The following LAYN variants were observed in gnomAD, a reference collection of about 807,000 sequenced individuals.
The protein encoded by LAYN is layilin.
A neutral mutation model predicts 43.6 loss-of-function variants in LAYN; 38 were observed. The observed-to-expected ratio is 0.87, with a 90% confidence interval of 0.67 to 1.14. The LOEUF (loss-of-function observed/expected upper bound fraction) is 1.14. LAYN is among the 50% of genes most tolerant of loss of function. The pLI is 0.00. For missense variants in LAYN, 479 were observed against 463.8 expected, an observed-to-expected ratio of 1.03 and a Z score of -0.30; for synonymous variants, 168 against 172.9, an observed-to-expected ratio of 0.97 and a Z score of 0.22.
chr11:111,553,533 C>T (rs990026678), intron 3 of LAYN, among the ~76,000 whole-genome samples: 6 of 150,768 alleles, frequency 4.0e-5, no homozygotes, highest in Non-Finnish European at 7.4e-5. Context: ...GCAGGAGAAT[C>T]GCTTGAACCC....
At chr11:111,550,846 G>T (rs1041638015) in intron 3 of LAYN, among the ~76,000 whole-genome samples, 2 of 152,042 alleles carry the variant, frequency 1.3e-5, no homozygotes, top group African/African-American at 4.8e-5. Context: ...TTAAATTTTT[G>T]CACTTCCTTT....
At chr11:111,546,171 T>C (rs1867645570) in intron 2 of LAYN, among the ~76,000 whole-genome samples, 1 of 152,196 alleles carries the variant, frequency 6.6e-6, no homozygotes, top group Non-Finnish European at 1.5e-5. Flanking sequence ...TCTAAGTAGA[T>C]GTTTCCTGGT....
Position 111,540,816 on chromosome 11 carries a change from G to A in LAYN, c.-28G>A. 1 of 1,515,240 alleles carries A rather than the reference G, an allele frequency of 6.6e-7. No homozygotes were observed. The highest frequency in any genetic ancestry group is 8.8e-7 in the Non-Finnish European group (1 of 1,138,476). 93.9% of individuals were successfully genotyped at this position (1,515,240 alleles called of 1,614,324 possible). A position where few individuals can be genotyped will look rare whatever the true frequency, so the allele number is the denominator to read the frequency against. On this transcript the variant is annotated 5_prime_UTR_variant, in exon 1 of 7. It adds an upstream start codon to the 5' untranslated region. Coordinates refer to ENST00000375614, the MANE Select transcript of LAYN (RefSeq NM_178834.5). ...CCCGCTCCACCGCCGTAGCGCCCGA[G>A]TGTCGGGGGGCGCACCCGAGTCGGG... is the stretch of plus-strand genomic sequence containing the variant.
intron 3 of LAYN, among the ~76,000 whole-genome samples, chr11:111,550,348 G>C (rs1246605481): frequency 6.6e-6 from 1 of 152,222 alleles, no homozygotes; most frequent in East Asian, 1.9e-4. Flanking sequence ...AGATCTGTTA[G>C]GGTTTTGAAC....
At chr11:111,560,067 A>G (rs1182826508) in intron 6 of LAYN, 28 bp from the exon 7 acceptor site, 1 of 1,576,960 alleles carries the variant, frequency 6.3e-7, no homozygotes, top group East Asian at 2.2e-5. Flanking sequence ...GGTCTAAAAC[A>G]CTCAGCCCTG....
chr11:111,560,044 T>C (rs1454568455), intron 6 of LAYN, 51 bp from the exon 7 acceptor site: 1 of 1,541,438 alleles, frequency 6.5e-7, no homozygotes, highest in Admixed American at 2.0e-5. Context: ...CACAAGGGTA[T>C]TCTCAATCAC....
intron 1 of LAYN, chr11:111,541,250 G>T: frequency 1.7e-6 from 1 of 590,806 alleles, no homozygotes; most frequent in Admixed American, 3.0e-5. Flanking sequence ...GTGCCCCTTC[G>T]GCCCGCTCCT....
At chr11:111,545,716 T>A (rs760969938) in intron 2 of LAYN, among the ~76,000 whole-genome samples, 1 of 152,210 alleles carries the variant, frequency 6.6e-6, no homozygotes, top group African/African-American at 2.4e-5. Flanking sequence ...ATCCCAGTGT[T>A]GCAGAGACAA....
At chr11:111,556,878 G>T (rs1009800568) in intron 5 of LAYN, among the ~76,000 whole-genome samples, 1 of 152,104 alleles carries the variant, frequency 6.6e-6, no homozygotes, top group Non-Finnish European at 1.5e-5. Context: ...AGTCTTAAAG[G>T]ACTAGAAAGT....
At chr11:111,559,883 C>T (rs777210833) in intron 6 of LAYN, among the ~76,000 whole-genome samples, 3 of 152,096 alleles carry the variant, frequency 2.0e-5, no homozygotes, top group Non-Finnish European at 2.9e-5. Context: ...CACACTTGGG[C>T]AGCAGTGAAT....
At position 111,540,787 on chromosome 11, in the gene LAYN, C is replaced by G; in HGVS notation, c.-57C>G. 6.7e-7 allele frequency: 1 copy of G among 1,485,016 alleles called. No individual in the cohort carries two copies. The highest frequency in any genetic ancestry group is 8.9e-7 in the Non-Finnish European group (1 of 1,118,576). The allele number at this position is 1,485,016 out of a possible 1,614,324, so 92.0% of individuals were successfully genotyped here. A position where few individuals can be genotyped will look rare whatever the true frequency, so the allele number is the denominator to read the frequency against. On this transcript the variant is annotated 5_prime_UTR_variant, in exon 1 of 7. Transcript: ENST00000375614. ...CAGTTGTCGCGCACGCCTCTGCCCGCCAGCCCGCTCCACCGCCGTAGCGCC... is the reference window on the plus strand; with the variant it reads ...CAGTTGTCGCGCACGCCTCTGCCCGGCAGCCCGCTCCACCGCCGTAGCGCC...
chr11:111,540,398 G>A (rs957180877), upstream of LAYN: 1 of 182,956 alleles, frequency 5.5e-6, no homozygotes, highest in Non-Finnish European at 1.1e-5. Flanking sequence ...CTTGGCTAAG[G>A]TCAGCGGGAG....
intron 3 of LAYN, chr11:111,551,441 G>A (rs1026881212): frequency 5.9e-5 from 27 of 455,994 alleles, no homozygotes; most frequent in Non-Finnish European, 9.7e-5. Context: ...ACAGAGGGAG[G>A]TGGGCACATG....
upstream of LAYN, chr11:111,540,623 C>T: frequency 2.0e-6 from 1 of 506,732 alleles, no homozygotes; most frequent in Non-Finnish European, 3.4e-6. Context: ...AGGAGGCTGT[C>T]GGGGGCGGGC....
chr11:111,541,562 C>T (rs1008049751), intron 1 of LAYN: 3 of 1,536,350 alleles, frequency 2.0e-6, no homozygotes, highest in Non-Finnish European at 2.6e-6. Context: ...GTCACTGCAG[C>T]CTCGGATTTG....
intron 2 of LAYN, among the ~76,000 whole-genome samples, chr11:111,545,975 C>T (rs1441637139): frequency 1.3e-5 from 2 of 152,342 alleles, no homozygotes; most frequent in South Asian, 2.1e-4. Flanking sequence ...GGAAGTTGAA[C>T]ATTCGGCAGT....
intron 3 of LAYN, among the ~76,000 whole-genome samples, chr11:111,552,941 CT>C (rs1811196994): frequency 6.6e-6 from 1 of 152,112 alleles, no homozygotes; most frequent in Non-Finnish European, 1.5e-5. Context: ...GTTGAAATTC[CT>C]TTACAGCTAC....
rs1230942124 is a variant in LAYN at position 111,560,288 on chromosome 11, A to G, written c.955A>G (p.Met319Val). 3.7e-6 allele frequency: 6 copies of G among 1,614,104 alleles called. No homozygotes were observed. The highest frequency in any genetic ancestry group is 4.5e-5 in the East Asian group (2 of 44,898). Residue 319 changes from methionine (M) to valine (V), a missense_variant, in exon 7 of 7, where the codon ATG becomes GTG. Transcript: ENST00000375614. ...VCSGEATPDD[M>V]SCDYDNMAVN... ...TTCGGGAGAAGCCACTCCCGATGAC[A>G]TGTCTTGTGACTATGACAACATGGC...
chr11:111,552,094 AAG>A (rs996094412), intron 3 of LAYN, among the ~76,000 whole-genome samples: 3 of 152,164 alleles, frequency 2.0e-5, no homozygotes, highest in South Asian at 4.1e-4. Flanking sequence ...AGAGATAAGA[AAG>A]AGGGAGAATA....
Sources: allele counts gnomAD v4.1 joint callset (sites outside exome capture counted in the v4.1 genomes callset), GRCh38; gene constraint gnomAD v4.1.1; transcripts MANE v1.5; gene names NCBI Gene and HGNC (gene_info 2026-07-23, HGNC 2026-07-21).